The following RPS6KC1 variants were observed in gnomAD, a reference collection of about 807,000 sequenced individuals.
RPS6KC1 encodes inactive ribosomal protein S6 kinase delta-1.
A neutral mutation model predicts 103.8 loss-of-function variants in RPS6KC1; 54 were observed. The observed-to-expected ratio is 0.52, with a 90% CI of 0.42 to 0.65. The LOEUF is 0.65. RPS6KC1 is among the 30% of genes least tolerant of loss of function. RPS6KC1 has a pLI of 0.00. For missense variants in RPS6KC1, 1,151 were observed against 1,253.8 expected (o/e 0.92, Z 1.24); for synonymous variants, 439 against 438.7 (o/e 1.00, Z -0.01).
At chr1:213,638,643 C>T in the RPS6KC1 span, among the ~76,000 whole-genome samples, 1 of 151,920 alleles carries the variant, frequency 6.6e-6, no homozygotes, top group Non-Finnish European at 1.5e-5. Flanking sequence ...TGCTTTTGCA[C>T]TTTTGTCACA....
At chr1:213,858,455 T>C in the RPS6KC1 span, among the ~76,000 whole-genome samples, 1 of 152,160 alleles carries the variant, frequency 6.6e-6, no homozygotes, top group Non-Finnish European at 1.5e-5. Context: ...GGCCAGTTGA[T>C]GCAGCTTTCA....
At chr1:213,350,550 G>A in the RPS6KC1 span, among the ~76,000 whole-genome samples, 1 of 152,104 alleles carries the variant, frequency 6.6e-6, no homozygotes, top group African/African-American at 2.4e-5. Flanking sequence ...AAAATCCTGT[G>A]CCATATTGGC....
intron 5 of RPS6KC1, among the ~76,000 whole-genome samples, chr1:213,119,181 C>T (rs2084055706): frequency 6.6e-6 from 1 of 151,626 alleles, no homozygotes; most frequent in Admixed American, 6.6e-5. Context: ...CATGGTGGCT[C>T]ACGCTTGTAA....
chr1:213,111,657 T>C (rs2083042750), intron 4 of RPS6KC1, among the ~76,000 whole-genome samples: 1 of 152,232 alleles, frequency 6.6e-6, no homozygotes, highest in Non-Finnish European at 1.5e-5. Context: ...CTGTGTGTAT[T>C]TTTTATTTTG....
chr1:213,069,936 C>A (rs1196347722), intron 1 of RPS6KC1, among the ~76,000 whole-genome samples: 1 of 152,112 alleles, frequency 6.6e-6, no homozygotes, highest in East Asian at 1.9e-4. Context: ...TGAAAAAAAT[C>A]TTTTTACCTG....
chr1:213,119,188 G>A (rs928786536), intron 5 of RPS6KC1, among the ~76,000 whole-genome samples: 1 of 151,784 alleles, frequency 6.6e-6, no homozygotes, highest in Non-Finnish European at 1.5e-5. Flanking sequence ...GCTCACGCTT[G>A]TAATCCTAGC....
the RPS6KC1 span, among the ~76,000 whole-genome samples, chr1:213,750,287 C>T: frequency 1.3e-5 from 2 of 152,218 alleles, no homozygotes; most frequent in Non-Finnish European, 2.9e-5. Context: ...TCTTCTGTCT[C>T]ATACACTGGT....
the RPS6KC1 span, among the ~76,000 whole-genome samples, chr1:213,826,094 G>A: frequency 6.6e-6 from 1 of 152,062 alleles, no homozygotes; most frequent in African/African-American, 2.4e-5. Context: ...GACTATGGTG[G>A]GAACTTTAGG....
At chr1:213,577,925 G>T in the RPS6KC1 span, among the ~76,000 whole-genome samples, 1 of 152,244 alleles carries the variant, frequency 6.6e-6, no homozygotes, top group Non-Finnish European at 1.5e-5. Flanking sequence ...ATTTGCATAA[G>T]TAACGAGGAG....
chr1:213,633,755 A>G, the RPS6KC1 span, among the ~76,000 whole-genome samples: 1 of 151,764 alleles, frequency 6.6e-6, no homozygotes, highest in Non-Finnish European at 1.5e-5. Context: ...ATACTGGCAA[A>G]TTGGATAAAG....
At chr1:213,836,976 T>G in the RPS6KC1 span, among the ~76,000 whole-genome samples, 3 of 152,216 alleles carry the variant, frequency 2.0e-5, no homozygotes, top group Admixed American at 1.3e-4. Flanking sequence ...TCTGCTAGCC[T>G]GAGAATGGAG....
the RPS6KC1 span, among the ~76,000 whole-genome samples, chr1:213,633,462 A>G: frequency 6.6e-6 from 1 of 152,304 alleles, no homozygotes; most frequent in South Asian, 2.1e-4. Context: ...TTCATAAGTG[A>G]AGGAGAAATA....
the RPS6KC1 span, among the ~76,000 whole-genome samples, chr1:213,539,755 T>G: frequency 6.6e-6 from 1 of 152,168 alleles, no homozygotes; most frequent in East Asian, 1.9e-4. Context: ...AGATCCGAGT[T>G]TCAGTTTACT....
chr1:213,276,442 G>A (rs2095112639), downstream of RPS6KC1, among the ~76,000 whole-genome samples: 1 of 152,154 alleles, frequency 6.6e-6, no homozygotes. Context: ...CTAGAGTGGT[G>A]TCCTGGTCAT....
chr1:213,113,653 G>A (rs2083269554), intron 4 of RPS6KC1, among the ~76,000 whole-genome samples: 1 of 151,084 alleles, frequency 6.6e-6, no homozygotes, highest in Admixed American at 6.6e-5. Flanking sequence ...GTCCTGAATG[G>A]TAATGCCTAG....
chr1:213,089,544 C>G (rs1411432151), intron 3 of RPS6KC1, among the ~76,000 whole-genome samples: 2 of 152,064 alleles, frequency 1.3e-5, no homozygotes, highest in Non-Finnish European at 2.9e-5. Flanking sequence ...TCACTGCAAC[C>G]TCCGCCTCCC....
the RPS6KC1 span, among the ~76,000 whole-genome samples, chr1:213,670,797 G>A: frequency 6.6e-6 from 1 of 152,218 alleles, no homozygotes; most frequent in East Asian, 1.9e-4. Flanking sequence ...TCCATTTGGG[G>A]ATTGGCTGAG....
chr1:213,773,929 C>T, the RPS6KC1 span, among the ~76,000 whole-genome samples: 2 of 152,204 alleles, frequency 1.3e-5, no homozygotes, highest in Admixed American at 1.3e-4. Flanking sequence ...AGAAACTAAC[C>T]ATCACAGCAA....
intron 8 of RPS6KC1, among the ~76,000 whole-genome samples, chr1:213,204,561 G>T (rs1373881386): frequency 1.3e-5 from 2 of 150,690 alleles, no homozygotes; most frequent in African/African-American, 4.9e-5. Flanking sequence ...ATCTGCACGT[G>T]CTGTAAGGAA....
Sources: allele counts gnomAD v4.1 joint callset (sites outside exome capture counted in the v4.1 genomes callset), GRCh38; gene constraint gnomAD v4.1.1; transcripts MANE v1.5; gene names NCBI Gene and HGNC (gene_info 2026-07-23, HGNC 2026-07-21).